The following CADPS2 variants were observed in gnomAD, a reference collection of about 807,000 sequenced individuals.
The protein encoded by CADPS2 is calcium-dependent secretion activator 2.
In CADPS2, 93 loss-of-function variants were observed where a neutral mutation model predicts 172.5. The ratio of observed to expected loss-of-function variants is 0.54; its 90% CI spans 0.46 to 0.64. The LOEUF (loss-of-function observed/expected upper bound fraction) is 0.64. CADPS2 is among the 30% of genes least tolerant of loss of function. The pLI, the probability that CADPS2 is intolerant of heterozygous loss-of-function variation, is 0.00. For missense variants in CADPS2, 1,420 were observed against 1,565.9 expected, an observed-to-expected ratio of 0.91 and a Z score of 1.57; for synonymous variants, 546 against 555.2, an observed-to-expected ratio of 0.98 and a Z score of 0.23.
chr7:122,752,817 T>A (rs2138442445), intron 1 of CADPS2, among the ~76,000 whole-genome samples: 1 of 152,154 alleles, frequency 6.6e-6, no homozygotes, highest in South Asian at 2.1e-4. Context: ...GATAACCTGC[T>A]CCCAAAAAAG....
chr7:122,776,777 G>A (rs2093895728), intron 1 of CADPS2, among the ~76,000 whole-genome samples: 2 of 152,210 alleles, frequency 1.3e-5, no homozygotes, highest in African/African-American at 4.8e-5. Context: ...TGGAGATGAG[G>A]AATAGTTGGA....
intron 2 of CADPS2, among the ~76,000 whole-genome samples, chr7:122,718,499 G>A (rs1220068022): frequency 1.3e-5 from 2 of 152,076 alleles, no homozygotes; most frequent in Non-Finnish European, 2.9e-5. Flanking sequence ...AGTTCAGATA[G>A]TTAAGGGTAG....
intron 2 of CADPS2, chr7:122,697,623 C>T (rs1442032995): frequency 1.7e-6 from 1 of 576,406 alleles, no homozygotes; most frequent in Non-Finnish European, 2.9e-6. Context: ...AAAAAAATCC[C>T]GCTAGGACTT....
intron 29 of CADPS2, among the ~76,000 whole-genome samples, chr7:122,320,804 AAAG>A (rs1333862511): frequency 1.3e-5 from 2 of 152,168 alleles, no homozygotes; most frequent in Non-Finnish European, 2.9e-5. Flanking sequence ...ATTATCGGTA[AAAG>A]AAGTTCACAT....
At chr7:122,868,154 C>T (rs992395703) in intron 1 of CADPS2, among the ~76,000 whole-genome samples, 2 of 152,126 alleles carry the variant, frequency 1.3e-5, no homozygotes. Context: ...CCAACTTTTA[C>T]AGCCTTCACT....
intron 9 of CADPS2, among the ~76,000 whole-genome samples, chr7:122,502,613 A>T (rs7797515): frequency 0.019 from 2,823 of 152,210 alleles, 92 homozygotes; most frequent in African/African-American, 0.065. Flanking sequence ...TCTAGAGGTT[A>T]GGATTCACAT....
intron 27 of CADPS2, among the ~76,000 whole-genome samples, chr7:122,352,873 TC>T (rs1390332023): frequency 6.6e-6 from 1 of 152,230 alleles, no homozygotes; most frequent in Admixed American, 6.5e-5. Flanking sequence ...CTAATATTGT[TC>T]ACTCTGTGGA....
Position 122,409,587 on chromosome 7 carries a change from A to C in CADPS2, c.2590-1891T>G, listed in dbSNP as rs758160408. 30 of 467,216 alleles carry C rather than the reference A, an allele frequency of 6.4e-5. No homozygotes were observed. The Middle Eastern group carries it at 6.5e-3, about 102-fold the overall frequency. The allele number at this position is 467,216 out of a possible 1,614,324, so 28.9% of individuals were successfully genotyped here. Reference sequence around the variant, plus strand: ...TTGTACTCCTGATGATGCTATTCTTAATGAATGTAAGCCAATCTGTGATGA... The same window carrying C: ...TTGTACTCCTGATGATGCTATTCTTCATGAATGTAAGCCAATCTGTGATGA... On this transcript the variant is annotated intron_variant, in intron 19 of 29. Transcript: ENST00000449022.
At position 122,681,358 on chromosome 7, in the gene CADPS2, G is replaced by A. The variant is rs1053331903; in HGVS notation, c.454-17789C>T. On this transcript the variant is annotated intron_variant, in intron 2 of 29. Coordinates refer to ENST00000449022, the MANE Select transcript of CADPS2 (RefSeq NM_017954.11). The stretch of plus-strand genomic sequence containing the variant: ...AACAATGGTCGTGCCAAAAAGGGCC[G>A]CGGCCACGTGCAACCTGTTCGCTGT... 3.7e-5 allele frequency: 55 copies of A among 1,469,790 alleles called. 1 individual carries two copies. Among genetic ancestry groups the A allele is most frequent in the Middle Eastern group, 3.4e-4 (2 of 5,818 alleles). 91.0% of individuals were successfully genotyped at this position (1,469,790 alleles called of 1,614,324 possible).
At chr7:122,855,147 C>T (rs758867530) in intron 1 of CADPS2, among the ~76,000 whole-genome samples, 2 of 152,078 alleles carry the variant, frequency 1.3e-5, no homozygotes, top group African/African-American at 4.8e-5. Flanking sequence ...AAAGCAAGAC[C>T]CTAGAAAAGA....
chr7:122,493,207 C>T (rs1406013734), intron 9 of CADPS2, among the ~76,000 whole-genome samples: 2 of 152,120 alleles, frequency 1.3e-5, no homozygotes, highest in Non-Finnish European at 2.9e-5. Flanking sequence ...AGGGAAAACT[C>T]AGAACACATG....
chr7:122,884,958 T>G (rs1823925424), intron 1 of CADPS2, among the ~76,000 whole-genome samples: 1 of 152,226 alleles, frequency 6.6e-6, no homozygotes, highest in South Asian at 2.1e-4. Context: ...ACACTGAAGT[T>G]AATATTTCAG....
chr7:122,404,098 C>G (rs989905541), intron 20 of CADPS2, among the ~76,000 whole-genome samples: 6 of 152,028 alleles, frequency 3.9e-5, no homozygotes, highest in Admixed American at 2.6e-4. Flanking sequence ...CCCATTAACT[C>G]GTCATTTAAC....
rs1362393663 is a variant in CADPS2, at chr7:122,663,187, T to C, written c.786+50A>G. 5 of 1,307,296 alleles carry C rather than the reference T, an allele frequency of 3.8e-6. No homozygotes were observed. In the South Asian group the frequency reaches 6.8e-5, roughly 18 times the overall value. The allele number at this position is 1,307,296 out of a possible 1,614,324, so 81.0% of individuals were successfully genotyped here. A position where few individuals can be genotyped will look rare whatever the true frequency, so the allele number is the denominator to read the frequency against. On this transcript the variant is annotated intron_variant, in intron 3 of 29. Transcript: ENST00000449022. ...TTCATAGGCTTGTAAATACTTCATG[T>C]TCATTCCACGAGTCAGACAGGGGAA...
intron 6 of CADPS2, among the ~76,000 whole-genome samples, chr7:122,581,769 A>G (rs2068857395): frequency 6.6e-6 from 1 of 152,084 alleles, no homozygotes; most frequent in African/African-American, 2.4e-5. Flanking sequence ...ATTATCTCAG[A>G]TCTATTACTT....
At chr7:122,474,030 T>C (rs2056312105) in intron 13 of CADPS2, among the ~76,000 whole-genome samples, 1 of 151,916 alleles carries the variant, frequency 6.6e-6, no homozygotes, top group Admixed American at 6.6e-5. Context: ...AACCTTAAAA[T>C]GTCTGTACGT....
intron 9 of CADPS2, among the ~76,000 whole-genome samples, chr7:122,505,353 AATT>A (rs2059534671): frequency 6.6e-6 from 1 of 152,122 alleles, no homozygotes; most frequent in African/African-American, 2.4e-5. Flanking sequence ...TAAATGAGAC[AATT>A]ATTTTTTAAA....
chr7:122,640,818 C>G (rs1262048976), intron 3 of CADPS2, among the ~76,000 whole-genome samples: 1 of 151,698 alleles, frequency 6.6e-6, no homozygotes, highest in African/African-American at 2.4e-5. Context: ...CCTGTAGTCC[C>G]AGCTACTCTG....
At chr7:122,541,249 T>C (rs948839367) in intron 8 of CADPS2, among the ~76,000 whole-genome samples, 3 of 149,870 alleles carry the variant, frequency 2.0e-5, no homozygotes, top group Admixed American at 6.7e-5. Flanking sequence ...CAGGTTGGAG[T>C]GCAATGGTGT....
Sources: allele counts gnomAD v4.1 joint callset (sites outside exome capture counted in the v4.1 genomes callset), GRCh38; gene constraint gnomAD v4.1.1; transcripts MANE v1.5; gene names NCBI Gene and HGNC (gene_info 2026-07-23, HGNC 2026-07-21).